The following NRXN3 variants were observed in gnomAD, a reference collection of about 807,000 sequenced individuals.
NRXN3 encodes the protein neurexin III.
Under a neutral mutation model 137.6 loss-of-function variants are expected in NRXN3, and 32 were observed. The ratio of observed to expected loss-of-function variants is 0.23; its 90% CI spans 0.18 to 0.31. NRXN3 has a LOEUF of 0.31. Ranked by LOEUF, NRXN3 falls within the 10% of genes least tolerant of loss-of-function variation. The pLI, the probability that NRXN3 is intolerant of heterozygous loss-of-function variation, is 1.00. For synonymous variants in NRXN3, 798 were observed against 784.5 expected (o/e 1.02, Z -0.29); for missense variants, 1,574 against 2,062.5 (o/e 0.76, Z 4.59).
At chr14:78,187,785 T>TG (rs1282481676) in intron 1 of NRXN3, among the ~76,000 whole-genome samples, 1 of 150,956 alleles carries the variant, frequency 6.6e-6, no homozygotes. Context: ...TTAGTTGTTT[T>TG]TTTTTTTTTT....
At chr14:78,845,987 A>C (rs1037514563) in intron 10 of NRXN3, among the ~76,000 whole-genome samples, 5 of 151,458 alleles carry the variant, frequency 3.3e-5, no homozygotes, top group African/African-American at 1.2e-4. Context: ...CGCTTTAGAG[A>C]TCTTCTGAGT....
At chr14:79,818,926 C>T (rs769823369) in intron 20 of NRXN3, among the ~76,000 whole-genome samples, 6 of 152,176 alleles carry the variant, frequency 3.9e-5, no homozygotes, top group Non-Finnish European at 8.8e-5. Context: ...CAACCCATCC[C>T]GAATCCAGAT....
At chr14:79,142,972 A>G (rs754629200) in intron 15 of NRXN3, among the ~76,000 whole-genome samples, 2 of 152,252 alleles carry the variant, frequency 1.3e-5, no homozygotes, top group Non-Finnish European at 2.9e-5. Context: ...TCCTCTTCTC[A>G]ATAAAGATTA....
chr14:78,660,250 G>T (rs1193440928), intron 6 of NRXN3, among the ~76,000 whole-genome samples: 1 of 120,516 alleles, frequency 8.3e-6, no homozygotes, highest in African/African-American at 4.6e-5. Flanking sequence ...TGAAGAAGTA[G>T]ATTTATATAT....
chr14:79,851,733 C>G (rs973845635), intron 20 of NRXN3, among the ~76,000 whole-genome samples: 1 of 152,122 alleles, frequency 6.6e-6, no homozygotes, highest in African/African-American at 2.4e-5. Flanking sequence ...CTCTTGTGAT[C>G]TCTTCCAGTG....
intron 4 of NRXN3, among the ~76,000 whole-genome samples, chr14:78,590,500 C>T (rs952960596): frequency 1.8e-4 from 28 of 152,114 alleles, no homozygotes; most frequent in Non-Finnish European, 3.5e-4. Flanking sequence ...AAAGCTAGAC[C>T]ATTCCTAAAG....
chr14:78,580,336 A>G (rs2096980663), intron 4 of NRXN3, among the ~76,000 whole-genome samples: 2 of 152,118 alleles, frequency 1.3e-5, no homozygotes, highest in African/African-American at 4.8e-5. Flanking sequence ...TTTCATGACT[A>G]TCCTCAACTT....
In NRXN3 at chr14:78,709,842, C is replaced by T. The variant is rs546378161; in HGVS notation, c.1660+187C>T. The T allele has an allele frequency of 8.6e-5, 51 of 596,316 alleles. 1 individual carries two copies. Among genetic ancestry groups the T allele is most frequent in the South Asian group, 5.5e-4 (27 of 48,678 alleles). The allele number at this position is 596,316 out of a possible 1,614,324, so 36.9% of individuals were successfully genotyped here. A position where few individuals can be genotyped will look rare whatever the true frequency, so the allele number is the denominator to read the frequency against. On this transcript the variant is annotated intron_variant, in intron 7 of 20. Transcript: ENST00000335750. ...TGTCTCATAGATGGCTCACATTCTC[C>T]GCTTATCTCTCTTGTCACTCACTGC...
intron 14 of NRXN3, among the ~76,000 whole-genome samples, chr14:78,985,958 C>T (rs1174758796): frequency 6.6e-6 from 1 of 152,110 alleles, no homozygotes; most frequent in East Asian, 1.9e-4. Flanking sequence ...TACTGTAACC[C>T]CAGTGTTAGT....
At chr14:79,817,806 T>G (rs561461129) in intron 20 of NRXN3, among the ~76,000 whole-genome samples, 1 of 152,308 alleles carries the variant, frequency 6.6e-6, no homozygotes, top group South Asian at 2.1e-4. Flanking sequence ...TTGAATGTAT[T>G]ACATGGTTGG....
chr14:79,440,203 T>C (rs1185073254), intron 15 of NRXN3, among the ~76,000 whole-genome samples: 1 of 152,230 alleles, frequency 6.6e-6, no homozygotes, highest in Non-Finnish European at 1.5e-5. Flanking sequence ...GGCAGTTTGG[T>C]GTAATGGTTA....
intron 15 of NRXN3, among the ~76,000 whole-genome samples, chr14:79,056,341 G>A (rs1341705410): frequency 6.6e-6 from 1 of 152,096 alleles, no homozygotes; most frequent in Non-Finnish European, 1.5e-5. Flanking sequence ...AAAATCTGAT[G>A]CTCCAAAAAT....
At chr14:79,166,116 T>C (rs1255889088) in intron 15 of NRXN3, among the ~76,000 whole-genome samples, 4 of 152,044 alleles carry the variant, frequency 2.6e-5, no homozygotes, top group Non-Finnish European at 4.4e-5. Context: ...ATTTTTTTGA[T>C]GAATATCATG....
At position 79,866,677 on chromosome 14, in the gene NRXN3, A is replaced by G. The variant is rs1223053031; in HGVS notation, c.*4713A>G. On this transcript the variant is annotated 3_prime_UTR_variant, in exon 21 of 21. Coordinates refer to ENST00000335750, the MANE Select transcript of NRXN3 (RefSeq NM_001330195.2). ...GGTCAAGGGCTGCTTTGTCGAGTAC[A>G]AAGGACTCGAGCATATTTGAAATGA... The G allele has an allele frequency of 2.0e-4, 31 of 152,232 alleles. No homozygotes were observed. The highest frequency in any genetic ancestry group is 1.9e-3 in the Admixed American group (29 of 15,286). The allele number at this position is 152,232 out of a possible 1,614,324, so 9.4% of individuals were successfully genotyped here.
At chr14:79,352,357 C>G (rs1372697589) in intron 15 of NRXN3, among the ~76,000 whole-genome samples, 1 of 152,098 alleles carries the variant, frequency 6.6e-6, no homozygotes, top group Non-Finnish European at 1.5e-5. Flanking sequence ...TTAGACAGAA[C>G]TGAAGAATAA....
intron 15 of NRXN3, among the ~76,000 whole-genome samples, chr14:79,304,817 C>G (rs1412799557): frequency 1.3e-5 from 2 of 152,022 alleles, no homozygotes; most frequent in African/African-American, 4.8e-5. Context: ...TTCAAGGTCT[C>G]CATTTTAATT....
chr14:78,840,735 C>T (rs1471237751), intron 10 of NRXN3, among the ~76,000 whole-genome samples: 1 of 152,192 alleles, frequency 6.6e-6, no homozygotes, highest in Non-Finnish European at 1.5e-5. Context: ...TTTACTTTCA[C>T]ATTCGCTCCA....
At chr14:79,745,511 A>C (rs2098976914) in intron 19 of NRXN3, among the ~76,000 whole-genome samples, 1 of 152,134 alleles carries the variant, frequency 6.6e-6, no homozygotes, top group African/African-American at 2.4e-5. Context: ...AGAGTTAAAA[A>C]CAAATCCAAA....
At chr14:78,918,266 C>T (rs1234048579) in intron 10 of NRXN3, among the ~76,000 whole-genome samples, 5 of 87,996 alleles carry the variant, frequency 5.7e-5, no homozygotes, top group Non-Finnish European at 1.0e-4. Context: ...GCGTGGGCAA[C>T]AAGAGCGAAA....
Sources: allele counts gnomAD v4.1 joint callset (sites outside exome capture counted in the v4.1 genomes callset), GRCh38; gene constraint gnomAD v4.1.1; transcripts MANE v1.5; gene names NCBI Gene and HGNC (gene_info 2026-07-23, HGNC 2026-07-21).